The following GNAS variants were observed in gnomAD, a reference collection of about 807,000 sequenced individuals.
GNAS encodes the protein GNAS complex locus.
GNAS carries 8 observed loss-of-function variants against 54.5 expected under a neutral mutation model. The observed-to-expected ratio is 0.15, with a 90% CI of 0.09 to 0.26. The LOEUF is 0.26. Among genes scored for constraint, GNAS ranks in the 10% least tolerant of loss-of-function variants. The probability of loss-of-function intolerance (pLI) is 1.00; values close to 1 mark genes in which losing one functional copy is unlikely to be tolerated. For synonymous variants in GNAS, 204 were observed against 191.4 expected, an observed-to-expected ratio of 1.07 and a Z score of -0.54; for missense variants, 170 against 529.8, an observed-to-expected ratio of 0.32 and a Z score of 6.67.
chr20:58,887,377 G>C (rs1600912571), upstream of GNAS, among the ~76,000 whole-genome samples: 1 of 152,168 alleles, frequency 6.6e-6, no homozygotes, highest in South Asian at 2.1e-4. Flanking sequence ...AATTCAGCCA[G>C]GAATTTTTAA....
rs754923112 is a variant in GNAS, at chr20:58,854,078, C to T, written c.43+13192C>T. The T allele has an allele frequency of 1.3e-5, 21 of 1,611,896 alleles. No individual in the cohort carries two copies. Among genetic ancestry groups the T allele is most frequent in the Admixed American group, 3.3e-5 (2 of 59,956 alleles). On this transcript the variant is annotated intron_variant, in intron 1 of 12. Transcript: ENST00000306090. ...CGGTCCGCCTCACTCCCGCCGCGAA[C>T]GCGCCTCCCCTCTGGGTCCCAGGCG...
At chr20:58,851,425 C>A (rs1317366791) in intron 1 of GNAS, among the ~76,000 whole-genome samples, 2 of 152,228 alleles carry the variant, frequency 1.3e-5, no homozygotes, top group African/African-American at 4.8e-5. Context: ...CTCCCCTCCC[C>A]CAGGGTTCTG....
At chr20:58,889,103 G>A (rs1484592002), upstream of GNAS, 1 of 1,119,556 alleles carries the variant, frequency 8.9e-7, no homozygotes, top group South Asian at 1.7e-5. Flanking sequence ...AGGGGCCGCT[G>A]CTATGGGTCG....
chr20:58,866,420 G>T (rs540529725), intron 1 of GNAS, among the ~76,000 whole-genome samples: 1 of 152,286 alleles, frequency 6.6e-6, no homozygotes, highest in Non-Finnish European at 1.5e-5. Context: ...CTTGCGCTTG[G>T]TCTCTGATAA....
intron 1 of GNAS, among the ~76,000 whole-genome samples, chr20:58,894,388 A>G (rs112367537): frequency 1.2e-4 from 19 of 152,360 alleles, no homozygotes; most frequent in African/African-American, 4.1e-4. Flanking sequence ...TTTGAAATCA[A>G]TGTTTCTGTG....
At chr20:58,889,522 C>T (rs2088910418), upstream of GNAS, 2 of 198,182 alleles carry the variant, frequency 1.0e-5, no homozygotes, top group African/African-American at 4.7e-5. Flanking sequence ...TTGGCGTGCC[C>T]AAGAGCCAAA....
intron 1 of GNAS, among the ~76,000 whole-genome samples, chr20:58,885,928 T>C (rs1422654474): frequency 6.6e-6 from 1 of 152,242 alleles, no homozygotes; most frequent in Non-Finnish European, 1.5e-5. Context: ...CCTAGGCTAT[T>C]AAAATAATAT....
chr20:58,892,157 C>T (rs1489515467), intron 1 of GNAS: 10 of 940,622 alleles, frequency 1.1e-5, no homozygotes, highest in East Asian at 2.4e-4. Flanking sequence ...CTCTCCCCCT[C>T]TTTCTCTCTT....
chr20:58,896,236 T>TG (rs397782774), intron 2 of GNAS, among the ~76,000 whole-genome samples: 1 of 151,796 alleles, frequency 6.6e-6, no homozygotes, highest in African/African-American at 2.4e-5. Context: ...TCATTTTTTT[T>TG]GTCCCCCTTT....
At chr20:58,874,779 C>T (rs1278284990) in intron 1 of GNAS, among the ~76,000 whole-genome samples, 1 of 152,224 alleles carries the variant, frequency 6.6e-6, no homozygotes, top group Non-Finnish European at 1.5e-5. Context: ...TCCAGTCCTC[C>T]ATCTTAGATC....
intron 1 of GNAS, among the ~76,000 whole-genome samples, chr20:58,879,112 A>C (rs2088048083): frequency 6.6e-6 from 1 of 152,182 alleles, no homozygotes; most frequent in Non-Finnish European, 1.5e-5. Context: ...AGTTAATGTG[A>C]GGTGGTGGTG....
At chr20:58,870,017 G>A (rs1484961593) in intron 1 of GNAS, among the ~76,000 whole-genome samples, 1 of 152,172 alleles carries the variant, frequency 6.6e-6, no homozygotes, top group Non-Finnish European at 1.5e-5. Flanking sequence ...GGAAAATGAT[G>A]AGGTCATCTA....
chr20:58,899,803 T>C (rs766840221), intron 3 of GNAS: 4 of 644,140 alleles, frequency 6.2e-6, no homozygotes, highest in Non-Finnish European at 1.1e-5. Context: ...GTGGAGTGGC[T>C]ATTTCTCATG....
At chr20:58,885,401 T>A (rs2088524390) in intron 1 of GNAS, among the ~76,000 whole-genome samples, 1 of 152,238 alleles carries the variant, frequency 6.6e-6, no homozygotes, top group South Asian at 2.1e-4. Flanking sequence ...CCAATGTACG[T>A]CCACATTCTG....
intron 1 of GNAS, among the ~76,000 whole-genome samples, chr20:58,864,593 G>A (rs1445555377): frequency 1.3e-5 from 2 of 152,208 alleles, no homozygotes; most frequent in Middle Eastern, 6.3e-3. Flanking sequence ...TGGTGAGACA[G>A]TATAAGGCAG....
Position 58,898,806 on chromosome 20 carries a change from AGGAT to A in GNAS, c.213-128_213-125del. ...GAAAGGCGACCTAAGAATTGCCGGG[AGGAT>A]GGATGGCTGGCGCGCGAATTGTTGC... On this transcript the variant is annotated intron_variant, in intron 2 of 12. Coordinates refer to ENST00000371085, the MANE Select transcript of GNAS (RefSeq NM_000516.7). 5 of 821,650 alleles carry A rather than the reference AGGAT, an allele frequency of 6.1e-6. No individual in the cohort carries two copies. The South Asian group carries it at 6.7e-5, about 11-fold the overall frequency. The allele number at this position is 821,650 out of a possible 1,614,324, so 50.9% of individuals were successfully genotyped here. A position where few individuals can be genotyped will look rare whatever the true frequency, so the allele number is the denominator to read the frequency against.
intron 3 of GNAS, 80 bp from the exon 4 acceptor site, chr20:58,903,451 G>A (rs753518365): frequency 5.2e-5 from 60 of 1,151,232 alleles, no homozygotes; most frequent in Middle Eastern, 1.9e-4. Context: ...ATGCTTTTTA[G>A]TCGGGATGTC....
At chr20:58,906,383 C>T (rs1352913423) in intron 6 of GNAS, among the ~76,000 whole-genome samples, 4 of 152,188 alleles carry the variant, frequency 2.6e-5, no homozygotes, top group Admixed American at 2.0e-4. Flanking sequence ...AGGGATCGCC[C>T]TCTGTCCCTG....
intron 3 of GNAS, among the ~76,000 whole-genome samples, chr20:58,902,825 G>A (rs570882157): frequency 2.2e-5 from 3 of 134,404 alleles, no homozygotes; most frequent in South Asian, 2.6e-4. Context: ...TCCGCCTCCC[G>A]GGTTCAAGCA....
Sources: allele counts gnomAD v4.1 joint callset (sites outside exome capture counted in the v4.1 genomes callset), GRCh38; gene constraint gnomAD v4.1.1; transcripts MANE v1.5; gene names NCBI Gene and HGNC (gene_info 2026-07-23, HGNC 2026-07-21).